The following NRXN3 variants were observed in gnomAD, a reference collection of about 807,000 sequenced individuals.
NRXN3 encodes neurexin III.
Under a neutral mutation model 137.6 loss-of-function variants are expected in NRXN3, and 32 were observed. The ratio of observed to expected loss-of-function variants is 0.23; its 90% confidence interval spans 0.18 to 0.31. The LOEUF is 0.31. Ranked by LOEUF, NRXN3 falls within the 10% of genes least tolerant of loss-of-function variation. The pLI, the probability that NRXN3 is intolerant of heterozygous loss-of-function variation, is 1.00. For synonymous variants in NRXN3, 798 were observed against 784.5 expected (o/e 1.02, Z -0.29); for missense variants, 1,574 against 2,062.5 (o/e 0.76, Z 4.59).
At chr14:78,749,677 G>T (rs909032943) in intron 8 of NRXN3, among the ~76,000 whole-genome samples, 1 of 152,168 alleles carries the variant, frequency 6.6e-6, no homozygotes, top group Non-Finnish European at 1.5e-5. Context: ...ATAGAGAAAT[G>T]GCTTCAGAGA....
intron 10 of NRXN3, among the ~76,000 whole-genome samples, chr14:78,922,576 T>A (rs2099273824): frequency 6.6e-6 from 1 of 152,092 alleles, no homozygotes; most frequent in Non-Finnish European, 1.5e-5. Flanking sequence ...ACTTCTCCAG[T>A]AAATAATAGT....
intron 16 of NRXN3, among the ~76,000 whole-genome samples, chr14:79,579,340 T>TATATATTTCATATATATATATATATA (rs1555534710): frequency 7.5e-6 from 1 of 133,504 alleles, no homozygotes; most frequent in East Asian, 2.8e-4. Flanking sequence ...GTGAGATATA[T>TATATATTTCATATATATATATATATA]ATATATTTCA....
intron 17 of NRXN3, among the ~76,000 whole-genome samples, chr14:79,674,393 T>C (rs1262073341): frequency 1.3e-5 from 2 of 152,072 alleles, no homozygotes; most frequent in Non-Finnish European, 2.9e-5. Context: ...TCATCGTACC[T>C]TATTTTACTT....
chr14:78,534,174 C>G (rs1255915919), intron 4 of NRXN3, among the ~76,000 whole-genome samples: 1 of 152,114 alleles, frequency 6.6e-6, no homozygotes. Flanking sequence ...TCAGTCTTCA[C>G]CATTGGGAGA....
chr14:78,826,490 A>G (rs980341872), intron 10 of NRXN3, among the ~76,000 whole-genome samples: 2 of 152,248 alleles, frequency 1.3e-5, no homozygotes, highest in African/African-American at 4.8e-5. Context: ...ATTCACAGAT[A>G]AAATTCTTAA....
chr14:79,410,114 G>GA (rs1195149946), intron 15 of NRXN3, among the ~76,000 whole-genome samples: 3 of 151,324 alleles, frequency 2.0e-5, no homozygotes, highest in African/African-American at 4.8e-5. Flanking sequence ...AGTGGCTGAA[G>GA]AAAAAATACA....
chr14:79,001,208 T>C (rs1441209207), intron 15 of NRXN3, among the ~76,000 whole-genome samples: 1 of 152,156 alleles, frequency 6.6e-6, no homozygotes, highest in Non-Finnish European at 1.5e-5. Flanking sequence ...GAAGAAGACT[T>C]CACAGTCCTT....
chr14:78,814,055 C>A (rs2098923659), intron 10 of NRXN3, among the ~76,000 whole-genome samples: 2 of 152,130 alleles, frequency 1.3e-5, no homozygotes, highest in South Asian at 4.1e-4. Flanking sequence ...TCCTACTACT[C>A]CTGCTTTCCA....
At chr14:79,047,305 C>T (rs1221682865) in intron 15 of NRXN3, among the ~76,000 whole-genome samples, 1 of 152,036 alleles carries the variant, frequency 6.6e-6, no homozygotes, top group Non-Finnish European at 1.5e-5. Context: ...GATGTATCAT[C>T]AATCTAGACA....
intron 2 of NRXN3, among the ~76,000 whole-genome samples, 163 bp from the exon 3 acceptor site, chr14:78,278,482 A>G (rs1227031505): frequency 1.3e-5 from 2 of 152,172 alleles, no homozygotes; most frequent in African/African-American, 2.4e-5. Flanking sequence ...GTGAAGGTGG[A>G]ACTAAGTGCT....
At chr14:79,545,900 G>A (rs1414907226) in intron 16 of NRXN3, among the ~76,000 whole-genome samples, 1 of 152,036 alleles carries the variant, frequency 6.6e-6, no homozygotes. Context: ...ATCTCATCTT[G>A]AATTCCCATG....
chr14:79,423,675 C>T (rs749898056), intron 15 of NRXN3, among the ~76,000 whole-genome samples: 4 of 152,164 alleles, frequency 2.6e-5, no homozygotes, highest in East Asian at 1.9e-4. Context: ...TTGCTCTCAT[C>T]GCCTCACAAT....
At chr14:79,708,884 A>G (rs1407011150) in intron 19 of NRXN3, among the ~76,000 whole-genome samples, 1 of 152,196 alleles carries the variant, frequency 6.6e-6, no homozygotes, top group South Asian at 2.1e-4. Flanking sequence ...GGTGGCTAGC[A>G]GTCACTGAGA....
intron 15 of NRXN3, among the ~76,000 whole-genome samples, chr14:79,104,444 C>A (rs1203692612): frequency 1.3e-5 from 2 of 152,144 alleles, no homozygotes; most frequent in Non-Finnish European, 1.5e-5. Context: ...GGACTTCCAG[C>A]CCACTCGTTC....
intron 16 of NRXN3, among the ~76,000 whole-genome samples, chr14:79,601,243 A>C (rs945460499): frequency 2.0e-5 from 3 of 151,780 alleles, no homozygotes; most frequent in Non-Finnish European, 4.4e-5. Flanking sequence ...GGGTTTCACC[A>C]TGTTGGCCAG....
In NRXN3 at chr14:79,467,327, C is replaced by T. The variant is rs2096440950; in HGVS notation, c.3369C>T (p.Ser1123=). The T allele has an allele frequency of 4.3e-6, 7 of 1,613,784 alleles. No homozygotes were observed. Among genetic ancestry groups the T allele is most frequent in the Non-Finnish European group, 5.9e-6 (7 of 1,179,656 alleles). Reference sequence around the variant, plus strand: ...CTGACCGCCTTGCCGTGGGCTTCAGCACCACTGTGAAGGATGGCATCTTGG... The same window carrying T: ...CTGACCGCCTTGCCGTGGGCTTCAGTACCACTGTGAAGGATGGCATCTTGG... ...TRSDRLAVGF[S]TTVKDGILVR... Residue 1123 remains serine (S), a synonymous_variant, in exon 16 of 21, where the codon AGC becomes AGT. Coordinates refer to ENST00000335750, the MANE Select transcript of NRXN3 (RefSeq NM_001330195.2).
At chr14:79,705,933 A>G (rs2098776614) in intron 19 of NRXN3, among the ~76,000 whole-genome samples, 1 of 152,196 alleles carries the variant, frequency 6.6e-6, no homozygotes, top group African/African-American at 2.4e-5. Flanking sequence ...AGTGCCTAGA[A>G]CAGTAGCGAG....
chr14:78,836,760 T>A (rs2098998142), intron 10 of NRXN3, among the ~76,000 whole-genome samples: 1 of 152,204 alleles, frequency 6.6e-6, no homozygotes, highest in Admixed American at 6.5e-5. Context: ...ATAATCCATG[T>A]TGAGATGTGA....
chr14:78,255,556 C>A (rs2069429576), intron 2 of NRXN3, among the ~76,000 whole-genome samples: 1 of 152,214 alleles, frequency 6.6e-6, no homozygotes, highest in Non-Finnish European at 1.5e-5. Flanking sequence ...CTCCCTTTGG[C>A]TTTTCTATCC....
Sources: gnomAD v4.1 joint callset for allele counts (sites outside exome capture counted in the v4.1 genomes callset) on GRCh38, gnomAD v4.1.1 for gene constraint, MANE v1.5 for transcripts, NCBI Gene and HGNC (gene_info 2026-07-23, HGNC 2026-07-21) for gene names.